Variants in LMOD1 observed in about 807,000 individuals in gnomAD.
The protein encoded by LMOD1 is leiomodin 1.
In LMOD1, 8 loss-of-function variants were observed where a neutral mutation model predicts 36.5. That is an observed-to-expected ratio of 0.22 (90% CI 0.13 to 0.40). The LOEUF (loss-of-function observed/expected upper bound fraction) is 0.40. Ranked by LOEUF, LMOD1 falls within the 10% of genes least tolerant of loss-of-function variation. The pLI is 1.00. For synonymous variants in LMOD1, 284 were observed against 288.7 expected (o/e 0.98, Z 0.17); for missense variants, 630 against 751.1 (o/e 0.84, Z 1.88).
intron 1 of LMOD1, among the ~76,000 whole-genome samples, chr1:201,929,679 A>G (rs1422235547): frequency 1.3e-5 from 2 of 152,266 alleles, no homozygotes; most frequent in Non-Finnish European, 2.9e-5. Context: ...TGTAGATTCA[A>G]TCAAGTATGA....
At chr1:201,901,551 T>C (rs186818560) in intron 1 of LMOD1, among the ~76,000 whole-genome samples, 26,706 of 44,244 alleles carry the variant, frequency 0.6, 7,221 homozygotes, top group Non-Finnish European at 0.63. Context: ...TATATATATA[T>C]ACATATATAT....
intron 1 of LMOD1, among the ~76,000 whole-genome samples, chr1:201,909,840 T>C (rs903162959): frequency 6.6e-6 from 1 of 152,222 alleles, no homozygotes; most frequent in African/African-American, 2.4e-5. Context: ...ATGCAGCTAT[T>C]ACACGATAAA....
intron 1 of LMOD1, among the ~76,000 whole-genome samples, chr1:201,932,459 T>C (rs1351367984): frequency 6.6e-6 from 1 of 151,830 alleles, no homozygotes; most frequent in Non-Finnish European, 1.5e-5. Context: ...TGTACTCCAT[T>C]AGAAACGATG....
At position 201,899,620 on chromosome 1, in the gene LMOD1, T is replaced by C; in HGVS notation, c.1393A>G (p.Asn465Asp). 1 of 1,613,046 alleles carries C rather than the reference T, an allele frequency of 6.2e-7. No homozygotes were observed. The highest frequency in any genetic ancestry group is 8.5e-7 in the Non-Finnish European group (1 of 1,179,508). The change falls in exon 2 of 3, where the codon AAT (asparagine) becomes GAT (aspartate). Residue 465 changes from asparagine (N) to aspartate (D), a missense_variant. Coordinates refer to ENST00000367288, the MANE Select transcript of LMOD1 (RefSeq NM_012134.3). This position sits in a 1 kb window ranked among gnomAD's most constrained non-coding sequence, Gnocchi z 6.3. ...ELAGPRMTVT[N>D]LLSRNMDKQR... ...TTGTCCATGTTGCGGCTGAGCAGAT[T>C]GGTGACAGTCATTCGGGGCCCGGCC...
intron 1 of LMOD1, among the ~76,000 whole-genome samples, chr1:201,907,535 T>G (rs1233795875): frequency 6.6e-6 from 1 of 152,216 alleles, no homozygotes; most frequent in Non-Finnish European, 1.5e-5. Flanking sequence ...CTACATTGTG[T>G]GCTTTTCCAT....
At chr1:201,942,511 T>G (rs1558244901) in intron 1 of LMOD1, among the ~76,000 whole-genome samples, 2 of 152,108 alleles carry the variant, frequency 1.3e-5, no homozygotes, top group South Asian at 2.1e-4. Flanking sequence ...ATCCCATCCC[T>G]TGGAGGGAGA....
intron 1 of LMOD1, among the ~76,000 whole-genome samples, chr1:201,940,648 C>T (rs1458716317): frequency 1.3e-5 from 2 of 148,404 alleles, no homozygotes; most frequent in Non-Finnish European, 1.5e-5. Context: ...AGCAGTGGCT[C>T]GATCTCAGCT....
At chr1:201,939,786 G>GTGTA (rs1491023026) in intron 1 of LMOD1, among the ~76,000 whole-genome samples, 31 of 138,728 alleles carry the variant, frequency 2.2e-4, no homozygotes, top group Admixed American at 1.4e-3. Flanking sequence ...GTGTGTGTGT[G>GTGTA]TATACACATG....
intron 1 of LMOD1, among the ~76,000 whole-genome samples, chr1:201,901,530 GTATA>G (rs771599594): frequency 0.33 from 16,604 of 49,936 alleles, 3,460 homozygotes; most frequent in East Asian, 0.71. Context: ...ATATATATAT[GTATA>G]TATATATATA....
At chr1:201,914,914 A>G (rs1443640851) in intron 1 of LMOD1, among the ~76,000 whole-genome samples, 1 of 151,874 alleles carries the variant, frequency 6.6e-6, no homozygotes, top group Non-Finnish European at 1.5e-5. Context: ...AGTCCCTTCC[A>G]GCTGTAGCGC....
At chr1:201,901,700 A>ATG (rs1394571833) in intron 1 of LMOD1, among the ~76,000 whole-genome samples, 2 of 135,730 alleles carry the variant, frequency 1.5e-5, no homozygotes, top group Non-Finnish European at 3.1e-5. Context: ...GTATATATAT[A>ATG]TATATGTGAA....
chr1:201,904,524 T>C (rs1187083648), intron 1 of LMOD1, among the ~76,000 whole-genome samples: 1 of 152,174 alleles, frequency 6.6e-6, no homozygotes, highest in Non-Finnish European at 1.5e-5. Context: ...TTTAACCTTC[T>C]TTCTTCCCTG....
intron 1 of LMOD1, among the ~76,000 whole-genome samples, chr1:201,925,460 A>C (rs574613378): frequency 2.8e-4 from 43 of 152,160 alleles, no homozygotes; most frequent in Non-Finnish European, 5.6e-4. Flanking sequence ...GACAGCAACT[A>C]AGTACTTACC....
rs1558245899 is a variant in LMOD1, at chr1:201,946,514, C to A, written c.-174G>T. ...TACAGGTGCTGAAGTGTTCACTGGA[C>A]GCAGCAGCCTCCCTGAAGCCCAGGG... On this transcript the variant is annotated 5_prime_UTR_variant, in exon 1 of 3. Coordinates refer to ENST00000367288, the MANE Select transcript of LMOD1 (RefSeq NM_012134.3). 3 of 674,168 alleles carry A rather than the reference C, an allele frequency of 4.4e-6. No individual in the cohort carries two copies. Among genetic ancestry groups the A allele is most frequent in the South Asian group, 2.0e-5 (1 of 50,666 alleles). The allele number at this position is 674,168 out of a possible 1,614,324, so 41.8% of individuals were successfully genotyped here. A position where few individuals can be genotyped will look rare whatever the true frequency, so the allele number is the denominator to read the frequency against.
At chr1:201,910,762 T>TTTTTC in intron 1 of LMOD1, among the ~76,000 whole-genome samples, 2 of 126,698 alleles carry the variant, frequency 1.6e-5, no homozygotes, top group South Asian at 2.8e-4. Context: ...TTTTTTTTTT[T>TTTTTC]TTTTTTTTTT....
chr1:201,920,413 A>G (rs1255343799), intron 1 of LMOD1, among the ~76,000 whole-genome samples: 1 of 152,104 alleles, frequency 6.6e-6, no homozygotes, highest in Non-Finnish European at 1.5e-5. Context: ...ACATCATGCT[A>G]CAGGGTCAAT....
intron 1 of LMOD1, among the ~76,000 whole-genome samples, chr1:201,925,102 C>G (rs1047043691): frequency 4.6e-5 from 7 of 151,982 alleles, no homozygotes; most frequent in African/African-American, 1.4e-4. Flanking sequence ...GTAAGCCCAG[C>G]TCATGAGGCT....
At chr1:201,916,839 G>A (rs1413633565) in intron 1 of LMOD1, among the ~76,000 whole-genome samples, 1 of 152,170 alleles carries the variant, frequency 6.6e-6, no homozygotes, top group East Asian at 1.9e-4. Flanking sequence ...GGGCCAAAGG[G>A]TCTCAGGCAC....
chr1:201,913,974 C>T (rs1681556590), intron 1 of LMOD1, among the ~76,000 whole-genome samples: 1 of 152,174 alleles, frequency 6.6e-6, no homozygotes, highest in Non-Finnish European at 1.5e-5. Context: ...ATGAACATAT[C>T]TGTGTGGGTC....
Sources: gnomAD v4.1 joint callset for allele counts (sites outside exome capture counted in the v4.1 genomes callset) on GRCh38, gnomAD v4.1.1 for gene constraint, Gnocchi (gnomAD v3.1) non-coding constraint, MANE v1.5 for transcripts, NCBI Gene and HGNC (gene_info 2026-07-23, HGNC 2026-07-21) for gene names.